SPOCK3: variants seen among roughly 807,000 people sequenced by gnomAD.
SPOCK3 encodes testican-3.
SPOCK3 carries 30 observed loss-of-function variants against 56.6 expected under a neutral mutation model. The ratio of observed to expected loss-of-function variants is 0.53; its 90% CI spans 0.40 to 0.72. The LOEUF (loss-of-function observed/expected upper bound fraction) is 0.72. Ranked by LOEUF, SPOCK3 falls within the 30% of genes least tolerant of loss-of-function variation. SPOCK3 has a pLI of 0.00. For synonymous variants in SPOCK3, 196 were observed against 183.3 expected (o/e 1.07, Z -0.56); for missense variants, 527 against 530.0 (o/e 0.99, Z 0.06).
intron 3 of SPOCK3, among the ~76,000 whole-genome samples, chr4:167,012,230 C>T (rs544650369): frequency 7.2e-5 from 11 of 151,900 alleles, no homozygotes; most frequent in African/African-American, 2.6e-4. Flanking sequence ...ATGAAGTTGT[C>T]AAGTGTTAAA....
At chr4:166,887,585 A>G (rs79917356) in intron 6 of SPOCK3, among the ~76,000 whole-genome samples, 161 of 152,256 alleles carry the variant, frequency 1.1e-3, no homozygotes, top group Middle Eastern at 0.01. Flanking sequence ...GCTAATTAGT[A>G]TATTCAAGGT....
intron 2 of SPOCK3, among the ~76,000 whole-genome samples, chr4:167,100,166 C>A (rs1759513352): frequency 6.6e-6 from 1 of 152,082 alleles, no homozygotes; most frequent in Non-Finnish European, 1.5e-5. Context: ...ATAAATAAAG[C>A]AACCAAGGTG....
chr4:167,125,518 C>G (rs1306130476), intron 2 of SPOCK3, among the ~76,000 whole-genome samples: 1 of 151,392 alleles, frequency 6.6e-6, no homozygotes, highest in Non-Finnish European at 1.5e-5. Context: ...TTGAGACCAT[C>G]CTGGCTAACA....
At chr4:167,118,638 C>T (rs114306555) in intron 2 of SPOCK3, among the ~76,000 whole-genome samples, 4,011 of 152,162 alleles carry the variant, frequency 0.026, 91 homozygotes, top group South Asian at 0.068. Context: ...TCAGTTAAAT[C>T]TTAAATAGAC....
At position 167,105,087 on chromosome 4, in the gene SPOCK3, C is replaced by T. The variant is rs28881896; in HGVS notation, c.190-42550G>A. 7.8e-3 allele frequency among the ~76,000 whole-genome samples: 1,181 copies of T among 151,954 alleles called. 21 individuals carry two copies. The highest frequency in any genetic ancestry group is 0.027 in the African/African-American group (1,137 of 41,468). On this transcript the variant is annotated intron_variant, in intron 2 of 10. Coordinates refer to ENST00000357545, the MANE Select transcript of SPOCK3 (RefSeq NM_001040159.2). ...AGCTGAGGGATTTCATCAACCAGAT[C>T]TATCCTACAAGAAATGCTAGAGAGT...
chr4:166,848,545 C>T lies in SPOCK3; in HGVS notation c.589+40585G>A, dbSNP rs183831798. On this transcript the variant is annotated intron_variant, in intron 6 of 10. Transcript: ENST00000357545. ...GAAATCCTTGGTGAGCTGCCAGGTG[C>T]TTTGAGTGTTCCAGGTTGGATACCT... Among the ~76,000 whole-genome samples, 9 of 152,284 alleles carry T rather than the reference C, an allele frequency of 5.9e-5. No individual in the cohort carries two copies. In the East Asian group the frequency reaches 1.5e-3, roughly 26 times the overall value.
chr4:167,094,246 A>C (rs1398853107), intron 2 of SPOCK3, among the ~76,000 whole-genome samples: 1 of 152,128 alleles, frequency 6.6e-6, no homozygotes, highest in Non-Finnish European at 1.5e-5. Flanking sequence ...ATGAGCAAAA[A>C]TGTAAAAATA....
intron 4 of SPOCK3, among the ~76,000 whole-genome samples, chr4:166,958,672 C>A (rs1318503936): frequency 6.6e-6 from 1 of 152,126 alleles, no homozygotes; most frequent in African/African-American, 2.4e-5. Context: ...ATATCACATA[C>A]AAGGAAGGGT....
At chr4:166,820,348 TAAAC>T (rs1007786842) in intron 6 of SPOCK3, among the ~76,000 whole-genome samples, 25 of 151,934 alleles carry the variant, frequency 1.6e-4, no homozygotes, top group African/African-American at 3.6e-4. Flanking sequence ...AAAGTAAAAA[TAAAC>T]AAAGCAATGT....
intron 2 of SPOCK3, among the ~76,000 whole-genome samples, chr4:167,085,187 A>C (rs940163823): frequency 5.3e-5 from 8 of 151,992 alleles, no homozygotes; most frequent in South Asian, 2.1e-4. Context: ...AAAAAAAAAA[A>C]ACACAAATGT....
chr4:166,830,314 G>A (rs568898245), intron 6 of SPOCK3, among the ~76,000 whole-genome samples: 16 of 152,208 alleles, frequency 1.1e-4, no homozygotes, highest in Admixed American at 8.5e-4. Context: ...TTAGGACTCT[G>A]AATATAAGTC....
chr4:166,803,187 T>C (rs1208911760), intron 6 of SPOCK3, among the ~76,000 whole-genome samples: 10 of 152,002 alleles, frequency 6.6e-5, no homozygotes. Flanking sequence ...AAAGCATGAG[T>C]CCTCAGCATT....
intron 2 of SPOCK3, among the ~76,000 whole-genome samples, chr4:167,107,270 C>T (rs558867824): frequency 9.2e-5 from 14 of 151,776 alleles, no homozygotes; most frequent in South Asian, 2.1e-4. Flanking sequence ...ATTAGCAAGC[C>T]GAATTCAACA....
chr4:166,832,262 T>C (rs565191825), intron 6 of SPOCK3, among the ~76,000 whole-genome samples: 2 of 152,140 alleles, frequency 1.3e-5, no homozygotes, highest in East Asian at 1.9e-4. Flanking sequence ...TTTTTGTATA[T>C]GGTGAAAGGT....
intron 6 of SPOCK3, among the ~76,000 whole-genome samples, chr4:166,847,674 T>TATATATATATATATATAC (rs1748239645): frequency 1.7e-5 from 2 of 120,952 alleles, no homozygotes; most frequent in African/African-American, 6.3e-5. Flanking sequence ...TATATATATA[T>TATATATATATATATATAC]ATATATAAGA....
At chr4:167,063,534 C>A (rs1755808229) in intron 2 of SPOCK3, among the ~76,000 whole-genome samples, 1 of 151,836 alleles carries the variant, frequency 6.6e-6, no homozygotes, top group African/African-American at 2.4e-5. Flanking sequence ...GAGATTCTTT[C>A]TCTTTGTATC....
intron 2 of SPOCK3, among the ~76,000 whole-genome samples, chr4:167,148,286 G>A (rs1020707120): frequency 3.9e-5 from 6 of 152,098 alleles, no homozygotes; most frequent in African/African-American, 1.4e-4. Flanking sequence ...AAAGAGGAGA[G>A]CCTCTACTTC....
intron 3 of SPOCK3, among the ~76,000 whole-genome samples, chr4:167,018,595 T>C (rs1750871584): frequency 1.1e-4 from 16 of 152,126 alleles, no homozygotes; most frequent in Admixed American, 1.0e-3. Flanking sequence ...GCTACTTTTG[T>C]TTCTTTGGAG....
chr4:166,867,046 C>A (rs137984289), intron 6 of SPOCK3, among the ~76,000 whole-genome samples: 1 of 151,954 alleles, frequency 6.6e-6, no homozygotes, highest in South Asian at 2.1e-4. Flanking sequence ...ACAAATTGAA[C>A]CTTCCTCTCT....
Sources: gnomAD v4.1 joint callset for allele counts (sites outside exome capture counted in the v4.1 genomes callset) on GRCh38, gnomAD v4.1.1 for gene constraint, MANE v1.5 for transcripts, NCBI Gene and HGNC (gene_info 2026-07-23, HGNC 2026-07-21) for gene names.